The following ADAMTS12 variants were observed in gnomAD, a reference collection of about 807,000 sequenced individuals.
ADAMTS12 encodes the protein ADAM metallopeptidase with thrombospondin type 1 motif 12.
A neutral mutation model predicts 167.8 loss-of-function variants in ADAMTS12; 118 were observed. The observed-to-expected ratio is 0.70, with a 90% confidence interval of 0.61 to 0.82. The LOEUF (loss-of-function observed/expected upper bound fraction) is 0.82, where lower values mean the gene tolerates loss of function less well. ADAMTS12 is among the 40% of genes least tolerant of loss of function. The pLI is 0.00. For missense variants in ADAMTS12, 1,916 were observed against 1,998.8 expected, an observed-to-expected ratio of 0.96 and a Z score of 0.79; for synonymous variants, 704 against 716.9, an observed-to-expected ratio of 0.98 and a Z score of 0.29.
At chr5:33,844,898 G>A (rs375749100) in intron 2 of ADAMTS12, among the ~76,000 whole-genome samples, 15 of 152,078 alleles carry the variant, frequency 9.9e-5, no homozygotes, top group Admixed American at 5.2e-4. Context: ...CAACCCGGCC[G>A]ATGCTTATGG....
intron 2 of ADAMTS12, among the ~76,000 whole-genome samples, chr5:33,865,095 C>G (rs1749768565): frequency 6.6e-6 from 1 of 151,792 alleles, no homozygotes; most frequent in Admixed American, 6.6e-5. Flanking sequence ...GATTGAGAAA[C>G]AGAAAATTTT....
chr5:33,862,951 A>G (rs1437161250), intron 2 of ADAMTS12, among the ~76,000 whole-genome samples: 1 of 152,214 alleles, frequency 6.6e-6, no homozygotes, highest in Non-Finnish European at 1.5e-5. Context: ...CCACATGATT[A>G]TCTCAATAGA....
intron 20 of ADAMTS12, 81 bp downstream of exon 20, chr5:33,560,946 G>A: frequency 2.0e-6 from 3 of 1,469,004 alleles, no homozygotes; most frequent in South Asian, 1.3e-5. Flanking sequence ...AACGACTTTA[G>A]CAAGTGTTTA....
chr5:33,882,567 T>C (rs1750484833), intron 1 of ADAMTS12, among the ~76,000 whole-genome samples: 1 of 152,168 alleles, frequency 6.6e-6, no homozygotes, highest in Non-Finnish European at 1.5e-5. Context: ...ACACTTCTTC[T>C]TTTTTTGTTG....
chr5:33,686,308 A>ATTTAATAATGT (rs1296553308), intron 3 of ADAMTS12, among the ~76,000 whole-genome samples: 1 of 152,154 alleles, frequency 6.6e-6, no homozygotes, highest in Non-Finnish European at 1.5e-5. Context: ...TGCTGTGCAC[A>ATTTAATAATGT]GCCCCTCATT....
At chr5:33,570,340 C>A (rs538037096) in intron 19 of ADAMTS12, among the ~76,000 whole-genome samples, 117 of 152,196 alleles carry the variant, frequency 7.7e-4, no homozygotes, top group African/African-American at 2.7e-3. Context: ...TAAGGGGAGC[C>A]AGAGAGAAAG....
At chr5:33,660,036 C>A (rs1579809064) in intron 6 of ADAMTS12, among the ~76,000 whole-genome samples, 1 of 152,246 alleles carries the variant, frequency 6.6e-6, no homozygotes, top group East Asian at 1.9e-4. Context: ...TGCTAAATAT[C>A]TTACAATGCA....
chr5:33,868,750 A>C (rs942547172), intron 2 of ADAMTS12, among the ~76,000 whole-genome samples: 1 of 152,240 alleles, frequency 6.6e-6, no homozygotes, highest in Non-Finnish European at 1.5e-5. Flanking sequence ...CAAATTTCTA[A>C]AATGTCTTAA....
At chr5:33,578,671 A>G (rs1208108867) in intron 18 of ADAMTS12, among the ~76,000 whole-genome samples, 1 of 152,176 alleles carries the variant, frequency 6.6e-6, no homozygotes, top group Non-Finnish European at 1.5e-5. Flanking sequence ...CTCAAGTTCT[A>G]TTTTCAGTTT....
chr5:33,677,439 G>GTGGAACT (rs1741954045), intron 5 of ADAMTS12, among the ~76,000 whole-genome samples: 1 of 152,152 alleles, frequency 6.6e-6, no homozygotes, highest in African/African-American at 2.4e-5. Context: ...CTAGCAAGCA[G>GTGGAACT]TGGAACTAAT....
At chr5:33,527,388 A>C (rs758142062) in intron 23 of ADAMTS12, 22 bp from the exon 24 acceptor site, 1 of 1,609,526 alleles carries the variant, frequency 6.2e-7, no homozygotes, top group South Asian at 1.1e-5. Flanking sequence ...GAAAAAGAAT[A>C]AGAAAAAAGT....
intron 2 of ADAMTS12, among the ~76,000 whole-genome samples, chr5:33,810,545 T>A (rs768233279): frequency 3.2e-4 from 49 of 152,314 alleles, no homozygotes; most frequent in Middle Eastern, 3.4e-3. Flanking sequence ...GTAAGCAATT[T>A]CAAACCTGAT....
In ADAMTS12 at chr5:33,649,611, T is replaced by TCGTACTGGAGCTGGCGGGAC; in HGVS notation, c.1257_1276dup (p.Asp426GlyfsTer12). 1 of 1,614,030 alleles carries TCGTACTGGAGCTGGCGGGAC rather than the reference T, an allele frequency of 6.2e-7. No individual in the cohort carries two copies. The highest frequency in any genetic ancestry group is 8.5e-7 in the Non-Finnish European group (1 of 1,179,922). On this transcript the variant is annotated frameshift_variant, in exon 8 of 24. Transcript: ENST00000504830. LOFTEE classifies it high-confidence loss of function. The stretch of plus-strand genomic sequence containing the variant: ...CTTGGACCATGTCAGCGGAGTGGGA[T>TCGTACTGGAGCTGGCGGGAC]CGTACTGGAGCTGGCGGGACATGAT...
At chr5:33,754,302 T>C (rs971285103) in intron 2 of ADAMTS12, among the ~76,000 whole-genome samples, 1 of 152,240 alleles carries the variant, frequency 6.6e-6, no homozygotes, top group African/African-American at 2.4e-5. Context: ...CTTTGCAACC[T>C]GCCCACTTCT....
intron 20 of ADAMTS12, among the ~76,000 whole-genome samples, chr5:33,550,749 T>A (rs1257490338): frequency 6.6e-6 from 1 of 152,222 alleles, no homozygotes; most frequent in Non-Finnish European, 1.5e-5. Context: ...TGATTGATTT[T>A]GTCCATCCTT....
chr5:33,589,345 A>T (rs973555497), intron 17 of ADAMTS12, among the ~76,000 whole-genome samples: 5 of 152,234 alleles, frequency 3.3e-5, no homozygotes, highest in African/African-American at 1.2e-4. Flanking sequence ...TCTTAATTGA[A>T]TGTAAAGTAG....
At chr5:33,862,794 A>G (rs769444292) in intron 2 of ADAMTS12, among the ~76,000 whole-genome samples, 3 of 152,268 alleles carry the variant, frequency 2.0e-5, no homozygotes, top group Non-Finnish European at 4.4e-5. Flanking sequence ...AAAATCTTCA[A>G]TAAAATACTG....
intron 22 of ADAMTS12, among the ~76,000 whole-genome samples, chr5:33,544,829 A>T (rs1375098673): frequency 6.6e-6 from 1 of 152,226 alleles, no homozygotes. Flanking sequence ...CTGAAACTGG[A>T]TCCCTTCCTT....
intron 2 of ADAMTS12, among the ~76,000 whole-genome samples, chr5:33,793,824 T>C (rs546304107): frequency 6.6e-6 from 1 of 152,208 alleles, no homozygotes; most frequent in East Asian, 1.9e-4. Flanking sequence ...GCTTGAAAAT[T>C]TGCCCAAGAC....
Sources: gnomAD v4.1 joint callset for allele counts (sites outside exome capture counted in the v4.1 genomes callset) on GRCh38, gnomAD v4.1.1 for gene constraint, MANE v1.5 for transcripts, NCBI Gene and HGNC (gene_info 2026-07-23, HGNC 2026-07-21) for gene names.